Variants in BRCA1 observed in about 807,000 individuals in gnomAD.
BRCA1 encodes the protein BRCA1 DNA repair associated.
In BRCA1, 140 loss-of-function variants were observed where a neutral mutation model predicts 173.7. That is an observed-to-expected ratio of 0.81 (90% CI 0.70 to 0.93). The LOEUF is 0.93. Among genes scored for constraint, BRCA1 ranks in the 40% least tolerant of loss-of-function variants. BRCA1 has a pLI of 0.00. For missense variants in BRCA1, 1,983 were observed against 2,172.5 expected (o/e 0.91, Z 1.73); for synonymous variants, 662 against 756.0 (o/e 0.88, Z 2.04).
intron 3 of BRCA1, among the ~76,000 whole-genome samples, chr17:43,110,244 C>A (rs1201152841): frequency 1.3e-5 from 2 of 152,040 alleles, no homozygotes; most frequent in Admixed American, 1.3e-4. Flanking sequence ...AGGTTGTTAA[C>A]TAAACTTAAA....
chr17:43,045,543 C>T lies in BRCA1; in HGVS notation c.*135G>A. ...TGCATAGCCAGAAGTCCTTTTCAGG[C>T]TGATGTACATAAAATATTTAGTAGC... On this transcript the variant is annotated 3_prime_UTR_variant, in exon 23 of 23. Transcript: ENST00000357654. 3 of 1,358,756 alleles carry T rather than the reference C, an allele frequency of 2.2e-6. No individual in the cohort carries two copies. Among genetic ancestry groups the T allele is most frequent in the Non-Finnish European group, 2.1e-6 (2 of 971,308 alleles). The allele number at this position is 1,358,756 out of a possible 1,614,324, so 84.2% of individuals were successfully genotyped here.
At chr17:43,169,021 C>T (rs2056292058) in intron 1 of BRCA1, among the ~76,000 whole-genome samples, 1 of 152,138 alleles carries the variant, frequency 6.6e-6, no homozygotes, top group African/African-American at 2.4e-5. Context: ...ACTACTGACG[C>T]TCCTCTACTT....
chr17:43,048,409 G>C (rs896242920), intron 21 of BRCA1, among the ~76,000 whole-genome samples: 1 of 151,866 alleles, frequency 6.6e-6, no homozygotes, highest in African/African-American at 2.4e-5. Flanking sequence ...CGCCATGTTG[G>C]TTGGCCAGGA....
chr17:43,057,766 G>T (rs1295783396), intron 18 of BRCA1, among the ~76,000 whole-genome samples: 1 of 151,636 alleles, frequency 6.6e-6, no homozygotes, highest in Non-Finnish European at 1.5e-5. Context: ...AACCCGGGAG[G>T]CGGAGCTTGC....
intron 1 of BRCA1, among the ~76,000 whole-genome samples, chr17:43,145,632 G>C (rs1253343701): frequency 1.3e-5 from 2 of 152,084 alleles, no homozygotes; most frequent in African/African-American, 2.4e-5. Flanking sequence ...GGCCTCCAGA[G>C]GAATATTTTT....
At chr17:43,055,377 G>C (rs1271609928) in intron 19 of BRCA1, among the ~76,000 whole-genome samples, 1 of 152,250 alleles carries the variant, frequency 6.6e-6, no homozygotes, top group East Asian at 1.9e-4. Context: ...GCCGGGTGCA[G>C]TGGCTCATGC....
intron 1 of BRCA1, among the ~76,000 whole-genome samples, chr17:43,148,968 T>C (rs1362978093): frequency 6.6e-6 from 1 of 152,222 alleles, no homozygotes; most frequent in African/African-American, 2.4e-5. Context: ...CCTTGATATT[T>C]TGCGGGGGAC....
chr17:43,120,948 C>T (rs569264312), intron 2 of BRCA1, among the ~76,000 whole-genome samples: 21 of 152,058 alleles, frequency 1.4e-4, no homozygotes, highest in Middle Eastern at 6.8e-3. Context: ...CCTATAATCC[C>T]AGCTACTCAG....
rs1309977577 is a variant in BRCA1, at chr17:43,049,189, G to A, written c.5338C>T (p.Leu1780=). 1 of 1,614,030 alleles carries A rather than the reference G, an allele frequency of 6.2e-7. No individual in the cohort carries two copies. The highest frequency in any genetic ancestry group is 1.7e-5 in the Admixed American group (1 of 60,020). The change falls in exon 21 of 23, where the codon CTG becomes TTG. Residue 1780 remains leucine, a synonymous_variant. Coordinates refer to ENST00000357654, the MANE Select transcript of BRCA1 (RefSeq NM_007294.4). ...CCACACAGCTGTACCATCCATTCCA[G>A]TTGATCTAAAATGGACATTTAGATG... is the stretch of plus-strand genomic sequence containing the variant. ...GPFTNMPTDQ[L]EWMVQLCGAS... is the part of the protein sequence containing the mutation.
At chr17:43,127,504 G>T (rs908678831), upstream of BRCA1, among the ~76,000 whole-genome samples, 1 of 152,126 alleles carries the variant, frequency 6.6e-6, no homozygotes, top group Non-Finnish European at 1.5e-5. Context: ...CTAGCTAAAG[G>T]TTTGTAAACG....
chr17:43,045,493 A>G lies in BRCA1; in HGVS notation c.*185T>C, dbSNP rs772295194. 1.1e-6 allele frequency: 1 copy of G among 943,612 alleles called. No individual in the cohort carries two copies. Among genetic ancestry groups the G allele is most frequent in the South Asian group, 1.4e-5 (1 of 71,408 alleles). The allele number at this position is 943,612 out of a possible 1,614,324, so 58.5% of individuals were successfully genotyped here. A position where few individuals can be genotyped will look rare whatever the true frequency, so the allele number is the denominator to read the frequency against. ...ATGGCAGATTTCCAAGGGAGACTTCAAGCAGAAAATCTTTAAGGGACCCTT... is the reference window on the plus strand; with the variant it reads ...ATGGCAGATTTCCAAGGGAGACTTCGAGCAGAAAATCTTTAAGGGACCCTT... On this transcript the variant is annotated 3_prime_UTR_variant, in exon 23 of 23. Coordinates refer to ENST00000357654, the MANE Select transcript of BRCA1 (RefSeq NM_007294.4).
chr17:43,060,520 C>T (rs932738658), intron 18 of BRCA1, among the ~76,000 whole-genome samples: 1 of 151,022 alleles, frequency 6.6e-6, no homozygotes, highest in Non-Finnish European at 1.5e-5. Flanking sequence ...AGACAGGAGT[C>T]TTGCTCTGTC....
intron 12 of BRCA1, 116 bp downstream of exon 12, chr17:43,082,288 C>T (rs1597847389): frequency 1.7e-6 from 2 of 1,155,896 alleles, no homozygotes; most frequent in Admixed American, 2.1e-5. Flanking sequence ...CATAATTACC[C>T]ATGTGCTGAG....
chr17:43,044,386 ACAC>A lies in BRCA1; in HGVS notation c.*1289_*1291del. 1 of 506,476 alleles carries A rather than the reference ACAC, an allele frequency of 2.0e-6. No individual in the cohort carries two copies. The highest frequency in any genetic ancestry group is 3.9e-6 in the Non-Finnish European group (1 of 258,396). The allele number at this position is 506,476 out of a possible 1,614,324, so 31.4% of individuals were successfully genotyped here. A position where few individuals can be genotyped will look rare whatever the true frequency, so the allele number is the denominator to read the frequency against. On this transcript the variant is annotated 3_prime_UTR_variant, in exon 23 of 23. Transcript: ENST00000357654. ...ACAATCAAGTCTTCACTGCCCTTGC[ACAC>A]TGGGGGGGCTAGGGAAGACCTAGTC... is the stretch of plus-strand genomic sequence containing the variant.
intron 1 of BRCA1, 57 bp from the exon 2 acceptor site, chr17:43,124,172 C>T (rs2055757026): frequency 9.9e-7 from 1 of 1,008,390 alleles, no homozygotes; most frequent in Non-Finnish European, 1.5e-6. Flanking sequence ...TATAAAATGA[C>T]AACTTCATTT....
chr17:43,092,124 G>C lies in BRCA1; in HGVS notation c.3407C>G (p.Pro1136Arg), dbSNP rs80357329. The C allele has an allele frequency of 3.4e-5, 55 of 1,613,616 alleles. No homozygotes were observed. The Admixed American group carries it at 9.0e-4, about 26-fold the overall frequency. ...PYLISDNLEQ[P>R]MGSSHASQVC... ...CTGAGATGCATGACTACTTCCCATAGGCTGTTCTAAGTTATCTGAAATCAG... is the reference window on the plus strand; with the variant it reads ...CTGAGATGCATGACTACTTCCCATACGCTGTTCTAAGTTATCTGAAATCAG... Residue 1136 changes from proline (P) to arginine (R), a missense_variant, in exon 10 of 23, where the codon CCT (proline) becomes CGT (arginine). Coordinates refer to ENST00000357654, the MANE Select transcript of BRCA1 (RefSeq NM_007294.4).
chr17:43,131,293 T>C (rs2055963167), intron 1 of BRCA1: 4 of 481,260 alleles, frequency 8.3e-6, no homozygotes, highest in Non-Finnish European at 1.6e-5. Flanking sequence ...ATGGTACTTA[T>C]TGCTAGGTGT....
chr17:43,055,440 G>C (rs1391820513), intron 19 of BRCA1, among the ~76,000 whole-genome samples: 2 of 152,078 alleles, frequency 1.3e-5, no homozygotes, highest in Non-Finnish European at 2.9e-5. Context: ...TGGAGGCCAG[G>C]AGATCAAGGC....
At chr17:43,058,379 A>ACC (rs1555577277) in intron 18 of BRCA1, among the ~76,000 whole-genome samples, 9 of 150,076 alleles carry the variant, frequency 6.0e-5, no homozygotes, top group Non-Finnish European at 3.0e-5. Context: ...GCTAAAAAAA[A>ACC]ACACACACAC....
Sources: gnomAD v4.1 joint callset for allele counts (sites outside exome capture counted in the v4.1 genomes callset) on GRCh38, gnomAD v4.1.1 for gene constraint, MANE v1.5 for transcripts, NCBI Gene and HGNC (gene_info 2026-07-23, HGNC 2026-07-21) for gene names.